Variants in NFYB observed in about 807,000 individuals in gnomAD.
NFYB encodes nuclear transcription factor Y subunit beta.
A neutral mutation model predicts 28.0 loss-of-function variants in NFYB; 13 were observed. The ratio of observed to expected loss-of-function variants is 0.46; its 90% confidence interval spans 0.30 to 0.74. NFYB has a LOEUF of 0.74. Among genes scored for constraint, NFYB ranks in the 30% least tolerant of loss-of-function variants. NFYB has a pLI of 0.07. For synonymous variants in NFYB, 74 were observed against 75.0 expected (o/e 0.99, Z 0.07); for missense variants, 142 against 247.6 (o/e 0.57, Z 2.86).
In NFYB at chr12:104,119,568, A is replaced by T. The variant is rs1293705094; in HGVS notation, c.*169T>A. The T allele has an allele frequency of 2.0e-6, 1 of 495,256 alleles. No homozygotes were observed. The highest frequency in any genetic ancestry group is 1.9e-5 in the African/African-American group (1 of 52,250). 30.7% of individuals were successfully genotyped at this position (495,256 alleles called of 1,614,324 possible). A position where few individuals can be genotyped will look rare whatever the true frequency, so the allele number is the denominator to read the frequency against. ...TTCTTTAAAATCATTCATGAAAAAG[A>T]TTCTCAAGTCAGAATTAACACCTCA... On this transcript the variant is annotated 3_prime_UTR_variant, in exon 8 of 8. Coordinates refer to ENST00000240055, the MANE Select transcript of NFYB (RefSeq NM_006166.4).
intron 6 of NFYB, 130 bp downstream of exon 6, chr12:104,121,110 G>A (rs2030455067): frequency 1.4e-6 from 1 of 720,074 alleles, no homozygotes; most frequent in African/African-American, 1.8e-5. Context: ...AAAAGGGCAT[G>A]AACTGATAAG....
intron 4 of NFYB, among the ~76,000 whole-genome samples, chr12:104,123,992 A>T (rs1240207556): frequency 1.3e-5 from 2 of 152,192 alleles, no homozygotes; most frequent in Non-Finnish European, 2.9e-5. Context: ...TTTTAAAAAG[A>T]TATAAAACAG....
chr12:104,133,321 G>A lies in NFYB; in HGVS notation c.6+2127C>T, dbSNP rs186402701. Among the ~76,000 whole-genome samples, 491 of 152,296 alleles carry A rather than the reference G, an allele frequency of 3.2e-3. 1 individual carries two copies. Among genetic ancestry groups the A allele is most frequent in the Non-Finnish European group, 5.2e-3 (352 of 68,022 alleles). Reference sequence around the variant, plus strand: ...TTCCTGCCTGGTAGTTTTTCATACAGTCTTTACACCTACTTCTTTAATTTG... The same window carrying A: ...TTCCTGCCTGGTAGTTTTTCATACAATCTTTACACCTACTTCTTTAATTTG... On this transcript the variant is annotated intron_variant, in intron 2 of 7. Transcript: ENST00000240055.
chr12:104,134,893 G>C (rs1223243190), intron 2 of NFYB, among the ~76,000 whole-genome samples: 2 of 152,100 alleles, frequency 1.3e-5, no homozygotes, highest in Non-Finnish European at 2.9e-5. Flanking sequence ...TATCCAGAGG[G>C]GACAAGTGCT....
chr12:104,132,376 G>A (rs1249534946), intron 2 of NFYB, among the ~76,000 whole-genome samples: 1 of 151,816 alleles, frequency 6.6e-6, no homozygotes, highest in Non-Finnish European at 1.5e-5. Context: ...AAATCAAAGA[G>A]TTTTAAGCAG....
chr12:104,122,717 T>C (rs2030526131), intron 5 of NFYB, among the ~76,000 whole-genome samples: 1 of 151,960 alleles, frequency 6.6e-6, no homozygotes, highest in Non-Finnish European at 1.5e-5. Flanking sequence ...CGTGGAAAAA[T>C]TGCTTTCCAC....
intron 2 of NFYB, chr12:104,131,598 T>G: frequency 2.7e-6 from 1 of 368,990 alleles, no homozygotes; most frequent in Admixed American, 3.4e-5. Flanking sequence ...ATGCCAGCCA[T>G]TCGCCTATAT....
Position 104,123,299 on chromosome 12 carries a change from A to G in NFYB, c.356T>C (p.Leu119Pro). 6.2e-7 allele frequency: 1 copy of G among 1,614,126 alleles called. No homozygotes were observed. The highest frequency in any genetic ancestry group is 8.5e-7 in the Non-Finnish European group (1 of 1,180,008). Residue 119 changes from leucine (L) to proline (P), a missense_variant, in exon 5 of 8, where the codon CTC (leucine) becomes CCC (proline). Coordinates refer to ENST00000240055, the MANE Select transcript of NFYB (RefSeq NM_006166.4). ...KRKTINGEDI[L>P]FAMSTLGFDS... ...AAAGCCTAAAGTAGACATAGCAAAG[A>G]GAATATCTTCTCCATTGATTGTTTT...
rs1189228423 is a variant in NFYB at position 104,119,367 on chromosome 12, T to C, written c.*370A>G. 1 of 159,806 alleles carries C rather than the reference T, an allele frequency of 6.3e-6. No homozygotes were observed. The highest frequency in any genetic ancestry group is 1.4e-5 in the Non-Finnish European group (1 of 72,828). 9.9% of individuals were successfully genotyped at this position (159,806 alleles called of 1,614,324 possible). On this transcript the variant is annotated 3_prime_UTR_variant, in exon 8 of 8. Transcript: ENST00000240055. ...TTATTAAAAGGGCAAACATCATGAA[T>C]TAACCCAGCCGCTTACTTGAATTAC...
rs1160401355 is a variant in NFYB, at chr12:104,123,409, G to T, written c.246C>A (p.Ala82=). 3 of 1,613,646 alleles carry T rather than the reference G, an allele frequency of 1.9e-6. No homozygotes were observed. The African/African-American group carries it at 4.0e-5, about 22-fold the overall frequency. Reference sequence around the variant, plus strand: ...TTACACATTCTTGAACACATTCTTTGGCATCTTTTGCAATCTGAAGAGAAA... The same window carrying T: ...TTACACATTCTTGAACACATTCTTTTGCATCTTTTGCAATCTGAAGAGAAA... ...IPQTGKIAKD[A]KECVQECVSE... Residue 82 remains alanine (A), a synonymous_variant, in exon 5 of 8, where the codon GCC becomes GCA. Coordinates refer to ENST00000240055, the MANE Select transcript of NFYB (RefSeq NM_006166.4).
chr12:104,128,363 A>C (rs888470692), intron 3 of NFYB, 61 bp downstream of exon 3: 1 of 1,209,528 alleles, frequency 8.3e-7, no homozygotes, highest in Admixed American at 1.9e-5. Flanking sequence ...CATATTAATG[A>C]AATGTCCACT....
chr12:104,123,535 ATCTC>A, intron 4 of NFYB, 112 bp from the exon 5 acceptor site: 9 of 753,742 alleles, frequency 1.2e-5, no homozygotes, highest in South Asian at 1.8e-5. Flanking sequence ...TGACTATTTA[ATCTC>A]TTAAATATAT....
At chr12:104,129,696 C>T (rs2030852008) in intron 2 of NFYB, among the ~76,000 whole-genome samples, 2 of 151,956 alleles carry the variant, frequency 1.3e-5, no homozygotes, top group African/African-American at 4.8e-5. Flanking sequence ...CTGGGCAACA[C>T]AGTGAGACCC....
rs192284571 is a variant in NFYB at position 104,120,306 on chromosome 12, C to A, written c.591+94G>T. On this transcript the variant is annotated intron_variant, in intron 7 of 7. Transcript: ENST00000240055. ...CTGACCTCAGGTGATCCACCCACCT[C>A]GGCCTCCCAAGGTGCTGGGATTACA... 102 of 961,856 alleles carry A rather than the reference C, an allele frequency of 1.1e-4. No homozygotes were observed. The African/African-American group carries it at 1.5e-3, about 14-fold the overall frequency. The allele number at this position is 961,856 out of a possible 1,614,324, so 59.6% of individuals were successfully genotyped here.
chr12:104,124,451 T>C (rs555121914), intron 4 of NFYB, among the ~76,000 whole-genome samples: 9 of 152,332 alleles, frequency 5.9e-5, no homozygotes, highest in African/African-American at 2.2e-4. Context: ...CACACTGTCT[T>C]TCACCGCCAT....
chr12:104,123,534 A>C (rs2030563470), intron 4 of NFYB, 111 bp from the exon 5 acceptor site: 2 of 753,132 alleles, frequency 2.7e-6, no homozygotes, highest in Non-Finnish European at 4.3e-6. Flanking sequence ...ATGACTATTT[A>C]ATCTCTTAAA....
Position 104,135,541 on chromosome 12 carries a change from T to C in NFYB, c.-79-9A>G. 3 of 1,238,808 alleles carry C rather than the reference T, an allele frequency of 2.4e-6. No homozygotes were observed. Among genetic ancestry groups the C allele is most frequent in the Non-Finnish European group, 3.4e-6 (3 of 884,144 alleles). 76.7% of individuals were successfully genotyped at this position (1,238,808 alleles called of 1,614,324 possible). On this transcript the variant is annotated splice_polypyrimidine_tract_variant and intron_variant, in intron 1 of 7. Transcript: ENST00000240055. ...ATCTTTGTGATTTCAACCTAAAAGA[T>C]AAACATCTATTAGGACCTAACATCT...
chr12:104,121,146 A>G, intron 6 of NFYB, 94 bp downstream of exon 6: 1 of 994,688 alleles, frequency 1.0e-6, no homozygotes, highest in Admixed American at 2.0e-5. Flanking sequence ...TGCTTTGTCA[A>G]AATACTCACT....
chr12:104,128,946 GC>G (rs1379064416), intron 2 of NFYB, among the ~76,000 whole-genome samples: 1 of 152,106 alleles, frequency 6.6e-6, no homozygotes, highest in African/African-American at 2.4e-5. Context: ...GAGATTACAG[GC>G]ATCAGCCACC....
Sources: gnomAD v4.1 joint callset for allele counts (sites outside exome capture counted in the v4.1 genomes callset) on GRCh38, gnomAD v4.1.1 for gene constraint, MANE v1.5 for transcripts, NCBI Gene and HGNC (gene_info 2026-07-23, HGNC 2026-07-21) for gene names.